DDX59: variants seen among roughly 807,000 people sequenced by gnomAD.
DDX59 encodes DEAD-box helicase 59.
DDX59 carries 30 observed loss-of-function variants against 51.9 expected under a neutral mutation model. The ratio of observed to expected loss-of-function variants is 0.58; its 90% CI spans 0.43 to 0.78. The LOEUF is 0.78. Ranked by LOEUF, DDX59 falls within the 30% of genes least tolerant of loss-of-function variation. The pLI, the probability that DDX59 is intolerant of heterozygous loss-of-function variation, is 0.00. For missense variants in DDX59, 672 were observed against 730.8 expected (o/e 0.92, Z 0.93); for synonymous variants, 255 against 253.3 (o/e 1.01, Z -0.06).
rs114542164 is a variant in DDX59, at chr1:200,655,531, G to A, written c.1062+3496C>T. On this transcript the variant is annotated intron_variant, in intron 4 of 7. Transcript: ENST00000331314. ...TCCTGTGCAGGCCCTCTATAATTTG[G>A]CCCCACCCTAACAACCCAATTTTAC... is the stretch of plus-strand genomic sequence containing the variant. 8.6e-3 allele frequency among the ~76,000 whole-genome samples: 1,310 copies of A among 152,070 alleles called. 20 individuals carry two copies. Among genetic ancestry groups the A allele is most frequent in the African/African-American group, 0.03 (1,227 of 41,476 alleles).
intron 2 of DDX59, among the ~76,000 whole-genome samples, chr1:200,665,597 A>T (rs1395871219): frequency 1.3e-5 from 2 of 152,230 alleles, no homozygotes; most frequent in Admixed American, 6.5e-5. Flanking sequence ...AAACTGACAC[A>T]CAAACTGTAG....
At chr1:200,651,676 A>G (rs1050789084) in intron 4 of DDX59, among the ~76,000 whole-genome samples, 2 of 152,208 alleles carry the variant, frequency 1.3e-5, no homozygotes, top group African/African-American at 4.8e-5. Context: ...GGTTTGTTAC[A>G]ACCATGAATT....
At chr1:200,642,266 A>C (rs1661070483), downstream of DDX59, among the ~76,000 whole-genome samples, 1 of 152,140 alleles carries the variant, frequency 6.6e-6, no homozygotes, top group Non-Finnish European at 1.5e-5. Flanking sequence ...TAAAAATTTA[A>C]ACTGTATGGT....
Position 200,669,827 on chromosome 1 carries a change from G to C in DDX59, c.-72C>G, listed in dbSNP as rs1303513714. 1 of 152,572 alleles carries C rather than the reference G, an allele frequency of 6.6e-6. No individual in the cohort carries two copies. Among genetic ancestry groups the C allele is most frequent in the African/African-American group, 2.4e-5 (1 of 41,458 alleles). The allele number at this position is 152,572 out of a possible 1,614,324, so 9.5% of individuals were successfully genotyped here. A position where few individuals can be genotyped will look rare whatever the true frequency, so the allele number is the denominator to read the frequency against. ...CGCTCGGGCCGTCTCCCCCTTCCAG[G>C]CTCCAGGCCAGGCTTCCGCCCGACA... is the stretch of plus-strand genomic sequence containing the variant. On this transcript the variant is annotated 5_prime_UTR_variant, in exon 1 of 8. Transcript: ENST00000331314.
intron 1 of DDX59, among the ~76,000 whole-genome samples, chr1:200,668,734 A>G (rs913066770): frequency 2.0e-5 from 3 of 152,154 alleles, no homozygotes; most frequent in Admixed American, 2.0e-4. Flanking sequence ...AGAGCCAGGC[A>G]CCCTTTTAAG....
intron 4 of DDX59, among the ~76,000 whole-genome samples, chr1:200,658,171 A>G (rs1416026410): frequency 6.6e-6 from 1 of 152,154 alleles, no homozygotes; most frequent in Non-Finnish European, 1.5e-5. Flanking sequence ...CTGCTCTGTC[A>G]CTGCTGGTGA....
At chr1:200,665,861 A>G (rs1407940773) in intron 2 of DDX59, 76 bp downstream of exon 2, 1 of 1,440,128 alleles carries the variant, frequency 6.9e-7, no homozygotes, top group African/African-American at 1.4e-5. Context: ...ATTTTAATAT[A>G]GTTAAAAATG....
chr1:200,650,958 T>C (rs960700809), intron 4 of DDX59, among the ~76,000 whole-genome samples: 5 of 152,150 alleles, frequency 3.3e-5, no homozygotes, highest in African/African-American at 9.7e-5. Flanking sequence ...TGCTAAATTA[T>C]GGTAGATCCA....
downstream of DDX59, among the ~76,000 whole-genome samples, chr1:200,643,419 G>A (rs953576463): frequency 2.0e-5 from 3 of 152,050 alleles, no homozygotes; most frequent in Non-Finnish European, 4.4e-5. Context: ...CGAGGCAGGC[G>A]GATCACAAAG....
intron 7 of DDX59, among the ~76,000 whole-genome samples, chr1:200,647,976 A>G (rs985414901): frequency 4.0e-5 from 6 of 149,102 alleles, no homozygotes; most frequent in African/African-American, 1.5e-4. Context: ...TGTCTCAAAA[A>G]AAAAAAAAAT....
Position 200,666,278 on chromosome 1 carries a change from C to T in DDX59, c.463G>A (p.Asp155Asn). 1 of 1,614,214 alleles carries T rather than the reference C, an allele frequency of 6.2e-7. No homozygotes were observed. ...TTCAGTGGAGACTCTGGCTCAGAAT[C>T]AGCCTTCTGTGGATTGCTGAGTTTT... ...KSKLSNPQKA[D>N]SEPESPLNAS... Residue 155 changes from aspartate to asparagine, a missense_variant, in exon 2 of 8, where the codon GAT (aspartate) becomes AAT (asparagine). Transcript: ENST00000331314.
chr1:200,663,569 T>C (rs960708331), intron 3 of DDX59, among the ~76,000 whole-genome samples: 2 of 152,202 alleles, frequency 1.3e-5, no homozygotes, highest in African/African-American at 4.8e-5. Context: ...TTATTAGCTA[T>C]AGATCCTTAG....
At position 200,664,141 on chromosome 1, in the gene DDX59, ATGAAC is replaced by A. The variant is rs570242696; in HGVS notation, c.805-60_805-56del. 8.9e-4 allele frequency: 1,399 copies of A among 1,563,824 alleles called. 22 individuals carry two copies. The South Asian group carries it at 0.015, about 16-fold the overall frequency. On this transcript the variant is annotated intron_variant, in intron 2 of 7. Coordinates refer to ENST00000331314, the MANE Select transcript of DDX59 (RefSeq NM_001031725.6). ...ACACCAGCAATTAATTCCTGCTGAT[ATGAAC>A]TAAATCTTCACAAGGATTCCAGGAA...
At position 200,659,044 on chromosome 1, in the gene DDX59, T is replaced by C; in HGVS notation, c.1045A>G (p.Ile349Val). 1 of 1,612,700 alleles carries C rather than the reference T, an allele frequency of 6.2e-7. No homozygotes were observed. Among genetic ancestry groups the C allele is most frequent in the Non-Finnish European group, 8.5e-7 (1 of 1,179,446 alleles). ...QSSVELCGVK[I>V]VVVDEADTML... ...CTACTTACTTCATCTACTACCACAA[T>C]CTTTACACCACAGAGTTCTACAGAG... The change falls in exon 4 of 8, where the codon ATT becomes GTT. Residue 349 changes from isoleucine (I) to valine (V), a missense_variant. Coordinates refer to ENST00000331314, the MANE Select transcript of DDX59 (RefSeq NM_001031725.6).
intron 5 of DDX59, among the ~76,000 whole-genome samples, chr1:200,649,639 A>AC (rs925338182): frequency 9.3e-5 from 14 of 151,086 alleles, no homozygotes; most frequent in Non-Finnish European, 1.8e-4. Flanking sequence ...AAAAAAAAAA[A>AC]AAAACACAAA....
At chr1:200,663,212 T>G (rs576396854) in intron 3 of DDX59, among the ~76,000 whole-genome samples, 1 of 152,300 alleles carries the variant, frequency 6.6e-6, no homozygotes, top group South Asian at 2.1e-4. Context: ...CCACCCTAGT[T>G]AACTAAACAG....
downstream of DDX59, among the ~76,000 whole-genome samples, chr1:200,641,408 AAAAG>A (rs1005754380): frequency 2.6e-5 from 4 of 152,292 alleles, no homozygotes; most frequent in South Asian, 4.1e-4. Flanking sequence ...AAAAAAAAAA[AAAAG>A]AACCCACTTT....
Position 200,659,052 on chromosome 1 carries a change from C to T in DDX59, c.1037G>A (p.Gly346Asp), listed in dbSNP as rs765245693. The change falls in exon 4 of 8, where the codon GGT (glycine) becomes GAT (aspartate). Residue 346 changes from glycine to aspartate, a missense_variant. Transcript: ENST00000331314. ...IIKQSSVELCGVKIVVVDEAD... is the reference protein window; with the variant it reads ...IIKQSSVELCDVKIVVVDEAD... ...TTCATCTACTACCACAATCTTTACA[C>T]CACAGAGTTCTACAGAGCTCTGCTT... 3.7e-6 allele frequency: 6 copies of T among 1,613,436 alleles called. No individual in the cohort carries two copies. The highest frequency in any genetic ancestry group is 1.1e-5 in the South Asian group (1 of 90,906).
In DDX59 at chr1:200,644,394, G is replaced by A. The variant is rs747386429; in HGVS notation, c.1720C>T (p.Gln574Ter). ...TGAAGGTATGGGGAATTTAATAACT[G>A]AGGGGGAAGAATGGATCCTGTGGGC... ...VKPTGSILPP[Q>*]LLNSPYLHDQ... Residue 574 changes from glutamine (Q) to a stop codon, truncating the protein, a stop_gained, in exon 8 of 8, where the codon CAG (glutamine) becomes TAG (stop). Transcript: ENST00000331314. LOFTEE classifies it high-confidence loss of function. The A allele has an allele frequency of 1.2e-6, 2 of 1,613,892 alleles. No homozygotes were observed. The highest frequency in any genetic ancestry group is 4.5e-5 in the East Asian group (2 of 44,848).
Sources: allele counts gnomAD v4.1 joint callset (sites outside exome capture counted in the v4.1 genomes callset), GRCh38; gene constraint gnomAD v4.1.1; transcripts MANE v1.5; gene names NCBI Gene and HGNC (gene_info 2026-07-23, HGNC 2026-07-21).